The following DLG2 variants were observed in gnomAD, a reference collection of about 807,000 sequenced individuals.
DLG2 encodes discs large MAGUK scaffold protein 2, also known as disks large homolog 2.
DLG2 carries 45 observed loss-of-function variants against 132.5 expected under a neutral mutation model. The observed-to-expected ratio is 0.34, with a 90% CI of 0.27 to 0.44. DLG2 has a LOEUF of 0.44. Among genes scored for constraint, DLG2 ranks in the 20% least tolerant of loss-of-function variants. DLG2 has a pLI of 1.00. For synonymous variants in DLG2, 424 were observed against 419.6 expected (o/e 1.01, Z -0.13); for missense variants, 1,045 against 1,196.9 (o/e 0.87, Z 1.87).
At chr11:85,047,456 G>A (rs1300335375) in intron 6 of DLG2, among the ~76,000 whole-genome samples, 1 of 151,874 alleles carries the variant, frequency 6.6e-6, no homozygotes, top group Non-Finnish European at 1.5e-5. Context: ...TGATCAATTT[G>A]ACCTTTTCAG....
chr11:83,850,884 A>G (rs1398244468), intron 16 of DLG2, among the ~76,000 whole-genome samples: 1 of 152,152 alleles, frequency 6.6e-6, no homozygotes, highest in Non-Finnish European at 1.5e-5. Flanking sequence ...CCAACCCTAA[A>G]GAAATTTTGA....
chr11:84,264,785 C>G (rs1055514355), intron 7 of DLG2, among the ~76,000 whole-genome samples: 2 of 152,090 alleles, frequency 1.3e-5, no homozygotes, highest in African/African-American at 4.8e-5. Context: ...CCTCACCCAC[C>G]GTTACTGGAT....
At chr11:83,907,397 G>C (rs954880239) in intron 15 of DLG2, among the ~76,000 whole-genome samples, 7 of 152,070 alleles carry the variant, frequency 4.6e-5, no homozygotes, top group Non-Finnish European at 7.4e-5. Context: ...ATAGAATTGA[G>C]AATACAAGAT....
chr11:84,060,940 C>T (rs950620794), intron 10 of DLG2, among the ~76,000 whole-genome samples: 6 of 152,200 alleles, frequency 3.9e-5, no homozygotes, highest in East Asian at 3.9e-4. Context: ...CCTCCACAAA[C>T]GCCGACCTAG....
intron 5 of DLG2, among the ~76,000 whole-genome samples, chr11:85,114,859 T>C (rs952481397): frequency 2.6e-5 from 4 of 151,988 alleles, no homozygotes; most frequent in Non-Finnish European, 4.4e-5. Context: ...CAGGGGCTTA[T>C]ACACAGTTAG....
At chr11:83,499,970 A>G (rs917078595) in intron 21 of DLG2, among the ~76,000 whole-genome samples, 1 of 146,674 alleles carries the variant, frequency 6.8e-6, no homozygotes. Context: ...TTTGCTGGTA[A>G]AATAACCTCC....
chr11:84,806,430 G>C (rs2076010141), intron 6 of DLG2, among the ~76,000 whole-genome samples: 1 of 152,106 alleles, frequency 6.6e-6, no homozygotes, highest in Non-Finnish European at 1.5e-5. Flanking sequence ...CATGAAAGCA[G>C]CAAGAGAGAA....
At chr11:85,216,140 A>C (rs551335037) in intron 4 of DLG2, among the ~76,000 whole-genome samples, 1 of 152,296 alleles carries the variant, frequency 6.6e-6, no homozygotes, top group East Asian at 1.9e-4. Flanking sequence ...ATACAGTAGA[A>C]ACCTCATCTC....
At chr11:85,104,842 C>T (rs1251354585) in intron 6 of DLG2, among the ~76,000 whole-genome samples, 5 of 109,458 alleles carry the variant, frequency 4.6e-5, no homozygotes, top group African/African-American at 1.8e-4. Flanking sequence ...TATATTCATT[C>T]TGTGTTCTAT....
chr11:84,072,582 A>G (rs2096773638), intron 10 of DLG2, among the ~76,000 whole-genome samples: 2 of 152,202 alleles, frequency 1.3e-5, no homozygotes, highest in Non-Finnish European at 2.9e-5. Flanking sequence ...AGCCAAGTGA[A>G]TAAAGATAGG....
chr11:84,187,804 G>A (rs1378463013), intron 8 of DLG2, among the ~76,000 whole-genome samples: 1 of 152,054 alleles, frequency 6.6e-6, no homozygotes, highest in Admixed American at 6.6e-5. Context: ...TTAATCAATA[G>A]AACAGGAATA....
chr11:85,213,801 A>G (rs538090813), intron 4 of DLG2, among the ~76,000 whole-genome samples: 17 of 152,076 alleles, frequency 1.1e-4, no homozygotes, highest in African/African-American at 2.7e-4. Flanking sequence ...CAGGAAGGGT[A>G]TGTTCAGGTG....
chr11:83,821,822 C>T (rs765206892), intron 17 of DLG2, among the ~76,000 whole-genome samples: 1 of 152,132 alleles, frequency 6.6e-6, no homozygotes, highest in Non-Finnish European at 1.5e-5. Flanking sequence ...TCACCAATTT[C>T]CTTCTCTCTA....
At chr11:83,676,399 A>G (rs1045735650) in intron 18 of DLG2, among the ~76,000 whole-genome samples, 3 of 152,186 alleles carry the variant, frequency 2.0e-5, no homozygotes, top group African/African-American at 7.2e-5. Flanking sequence ...TTACTGATGT[A>G]CTTTTAAGTT....
intron 11 of DLG2, among the ~76,000 whole-genome samples, chr11:83,988,145 C>T (rs918863452): frequency 6.6e-6 from 1 of 152,064 alleles, no homozygotes; most frequent in Non-Finnish European, 1.5e-5. Flanking sequence ...TTAATTAAAT[C>T]CTGTTTGTCA....
At chr11:84,123,154 G>C (rs1379766756) in intron 9 of DLG2, among the ~76,000 whole-genome samples, 1 of 152,142 alleles carries the variant, frequency 6.6e-6, no homozygotes, top group African/African-American at 2.4e-5. Flanking sequence ...TGTTTCATTG[G>C]TAAGATACTA....
At chr11:83,758,974 A>T (rs930817959) in intron 18 of DLG2, among the ~76,000 whole-genome samples, 2 of 152,200 alleles carry the variant, frequency 1.3e-5, no homozygotes, top group Non-Finnish European at 2.9e-5. Flanking sequence ...ACTTCAAAGG[A>T]CATGTTATTT....
intron 6 of DLG2, among the ~76,000 whole-genome samples, chr11:84,629,880 G>C (rs551453849): frequency 6.6e-6 from 1 of 152,104 alleles, no homozygotes; most frequent in Non-Finnish European, 1.5e-5. Flanking sequence ...AGGGAAAATG[G>C]AGAATAAGTT....
intron 11 of DLG2, among the ~76,000 whole-genome samples, chr11:84,032,394 T>C (rs2095726058): frequency 6.6e-6 from 1 of 152,196 alleles, no homozygotes; most frequent in Non-Finnish European, 1.5e-5. Context: ...AATATCAAAC[T>C]AGCCACACCA....
Sources: allele counts gnomAD v4.1 joint callset (sites outside exome capture counted in the v4.1 genomes callset), GRCh38; gene constraint gnomAD v4.1.1; transcripts MANE v1.5; gene names NCBI Gene and HGNC (gene_info 2026-07-23, HGNC 2026-07-21).